Variants in SHISA9 observed in about 807,000 individuals in gnomAD.
SHISA9 encodes shisa family member 9.
Under a neutral mutation model 38.0 loss-of-function variants are expected in SHISA9, and 13 were observed. That is an observed-to-expected ratio of 0.34 (90% confidence interval 0.22 to 0.54). SHISA9 has a LOEUF of 0.54. SHISA9 is among the 20% of genes least tolerant of loss of function. The pLI is 0.91. For missense variants in SHISA9, 538 were observed against 575.8 expected (o/e 0.93, Z 0.67); for synonymous variants, 275 against 242.0 (o/e 1.14, Z -1.27).
chr16:12,994,529 T>C (rs903737245), intron 2 of SHISA9, among the ~76,000 whole-genome samples: 1 of 152,180 alleles, frequency 6.6e-6, no homozygotes, highest in African/African-American at 2.4e-5. Context: ...CCCAGATTTA[T>C]GGTGGTGGTG....
chr16:13,444,561 A>C, the SHISA9 span, among the ~76,000 whole-genome samples: 1 of 152,190 alleles, frequency 6.6e-6, no homozygotes, highest in African/African-American at 2.4e-5. Flanking sequence ...TATGTTCTCC[A>C]ACTTTATCTA....
chr16:13,533,434 C>G, the SHISA9 span, among the ~76,000 whole-genome samples: 1 of 152,164 alleles, frequency 6.6e-6, no homozygotes, highest in African/African-American at 2.4e-5. Flanking sequence ...TGCTGTTTTC[C>G]CTAGAAAGTT....
the SHISA9 span, among the ~76,000 whole-genome samples, chr16:13,253,268 G>A: frequency 2.7e-3 from 410 of 152,274 alleles, 5 homozygotes; most frequent in African/African-American, 9.1e-3. Flanking sequence ...TTGACTGTGT[G>A]GGGGTAGGAG....
intron 2 of SHISA9, among the ~76,000 whole-genome samples, chr16:13,065,575 T>C (rs1218589222): frequency 1.3e-5 from 2 of 152,266 alleles, no homozygotes; most frequent in East Asian, 1.9e-4. Flanking sequence ...TTTCTAGCTC[T>C]TGGGTGAGAT....
intron 2 of SHISA9, among the ~76,000 whole-genome samples, chr16:13,020,379 G>C (rs1391081787): frequency 6.6e-6 from 1 of 151,998 alleles, no homozygotes; most frequent in Non-Finnish European, 1.5e-5. Flanking sequence ...CCCTCCAAAA[G>C]GCTCCAGTGT....
chr16:13,160,155 G>A, intron 2 of SHISA9, among the ~76,000 whole-genome samples: 1 of 152,188 alleles, frequency 6.6e-6, no homozygotes. Flanking sequence ...AGGGAAGAGA[G>A]TTCCAGGTGG....
the SHISA9 span, among the ~76,000 whole-genome samples, chr16:13,442,701 C>T: frequency 6.6e-6 from 1 of 152,096 alleles, no homozygotes. Context: ...TGCCTATAAT[C>T]TCAGCATTTC....
chr16:13,532,675 C>G, the SHISA9 span, among the ~76,000 whole-genome samples: 1 of 152,162 alleles, frequency 6.6e-6, no homozygotes, highest in African/African-American at 2.4e-5. Context: ...CCTTGCTTCA[C>G]ATGGCTGCCT....
At chr16:13,398,978 G>A in the SHISA9 span, among the ~76,000 whole-genome samples, 2 of 152,170 alleles carry the variant, frequency 1.3e-5, no homozygotes, top group African/African-American at 2.4e-5. Flanking sequence ...AATACAGATA[G>A]GGCGTGGTGG....
At chr16:13,175,977 G>A (rs1368268388) in intron 2 of SHISA9, among the ~76,000 whole-genome samples, 1 of 152,118 alleles carries the variant, frequency 6.6e-6, no homozygotes, top group Non-Finnish European at 1.5e-5. Flanking sequence ...TCTGTCTCTT[G>A]CCAAATCAAA....
chr16:12,954,808 G>C (rs1246210820), intron 2 of SHISA9, among the ~76,000 whole-genome samples: 1 of 152,140 alleles, frequency 6.6e-6, no homozygotes, highest in Non-Finnish European at 1.5e-5. Flanking sequence ...ACAGCCTGGG[G>C]ATCTGAATTC....
At chr16:12,997,707 T>C (rs1211230106) in intron 2 of SHISA9, among the ~76,000 whole-genome samples, 1 of 152,098 alleles carries the variant, frequency 6.6e-6, no homozygotes, top group East Asian at 1.9e-4. Flanking sequence ...TACCCAGCCT[T>C]AACCTAAAAT....
the SHISA9 span, among the ~76,000 whole-genome samples, chr16:13,536,287 G>A: frequency 3.9e-5 from 6 of 152,026 alleles, no homozygotes; most frequent in Non-Finnish European, 7.4e-5. Flanking sequence ...ATGAGCCACC[G>A]TACCTGGCCT....
chr16:13,456,604 A>G, the SHISA9 span, among the ~76,000 whole-genome samples: 1 of 152,222 alleles, frequency 6.6e-6, no homozygotes, highest in Non-Finnish European at 1.5e-5. Flanking sequence ...CATGCCTGAT[A>G]GAGTGTCTTT....
the SHISA9 span, chr16:13,562,812 A>G: frequency 3.9e-5 from 6 of 152,078 alleles, no homozygotes; most frequent in African/African-American, 9.7e-5. Context: ...GGATGCACCT[A>G]AAACAAATTG....
chr16:13,458,606 G>T, the SHISA9 span: 1 of 392,360 alleles, frequency 2.5e-6, no homozygotes. Context: ...ATCCAGCTAA[G>T]AGATTTGGAT....
At chr16:12,930,314 G>C (rs2071447092) in intron 2 of SHISA9, among the ~76,000 whole-genome samples, 1 of 152,166 alleles carries the variant, frequency 6.6e-6, no homozygotes, top group South Asian at 2.1e-4. Context: ...ATTTCTTGTG[G>C]ACTAAACCTT....
chr16:13,222,905 C>T (rs2051242701), intron 4 of SHISA9, among the ~76,000 whole-genome samples: 1 of 152,008 alleles, frequency 6.6e-6, no homozygotes, highest in South Asian at 2.1e-4. Context: ...ACAGAAATAG[C>T]AGTTACTACC....
chr16:13,377,593 A>G, the SHISA9 span, among the ~76,000 whole-genome samples: 1 of 152,232 alleles, frequency 6.6e-6, no homozygotes, highest in African/African-American at 2.4e-5. Flanking sequence ...GTACAAACAC[A>G]TACGTGGTTC....
Sources: allele counts gnomAD v4.1 joint callset (sites outside exome capture counted in the v4.1 genomes callset), GRCh38; gene constraint gnomAD v4.1.1; transcripts MANE v1.5; gene names NCBI Gene and HGNC (gene_info 2026-07-23, HGNC 2026-07-21).